Variants in TBC1D5 observed in about 807,000 individuals in gnomAD.
TBC1D5 encodes TBC1 domain family, member 5.
TBC1D5 carries 75 observed loss-of-function variants against 100.3 expected under a neutral mutation model. The observed-to-expected ratio is 0.75, with a 90% CI of 0.62 to 0.91. The LOEUF (loss-of-function observed/expected upper bound fraction) is 0.91, where lower values mean the gene tolerates loss of function less well. TBC1D5 is among the 40% of genes least tolerant of loss of function. The probability of loss-of-function intolerance (pLI) is 0.00; values close to 1 mark genes in which losing one functional copy is unlikely to be tolerated. For synonymous variants in TBC1D5, 323 were observed against 325.6 expected (o/e 0.99, Z 0.09); for missense variants, 910 against 942.4 (o/e 0.97, Z 0.45).
intron 1 of TBC1D5, chr3:17,702,292 A>C (rs2073326131): frequency 6.6e-6 from 1 of 152,154 alleles, no homozygotes; most frequent in African/African-American, 2.4e-5. Flanking sequence ...GTAAATTCAA[A>C]CTTACTTAGT....
At chr3:17,253,936 T>A (rs2077396874) in intron 16 of TBC1D5, among the ~76,000 whole-genome samples, 1 of 152,224 alleles carries the variant, frequency 6.6e-6, no homozygotes, top group Admixed American at 6.5e-5. Flanking sequence ...ACTTTTCATA[T>A]ATGCAGGTTC....
At chr3:17,161,332 T>C (rs1575664261) in intron 21 of TBC1D5, 76 bp from the exon 23 acceptor site, 1 of 1,489,318 alleles carries the variant, frequency 6.7e-7, no homozygotes, top group Non-Finnish European at 9.0e-7. Flanking sequence ...CCCTGTGAAC[T>C]GGGGGACTCG....
intron 2 of TBC1D5, among the ~76,000 whole-genome samples, chr3:17,602,650 G>A (rs762976570): frequency 6.1e-5 from 8 of 130,218 alleles, no homozygotes; most frequent in Non-Finnish European, 1.2e-4. Context: ...TCGGCTCACT[G>A]CAAGCTCCAC....
At chr3:17,173,217 T>C (rs963352228) in intron 19 of TBC1D5, among the ~76,000 whole-genome samples, 3 of 152,174 alleles carry the variant, frequency 2.0e-5, no homozygotes, top group African/African-American at 7.2e-5. Context: ...TTGAAGGTGG[T>C]GGAACTGGGA....
chr3:17,737,576 A>G (rs1160770159), intron 1 of TBC1D5, among the ~76,000 whole-genome samples: 3 of 152,200 alleles, frequency 2.0e-5, no homozygotes, highest in Non-Finnish European at 4.4e-5. Flanking sequence ...CTAACCTAAC[A>G]TACTGTGATT....
chr3:17,230,559 A>G (rs1039785216), intron 17 of TBC1D5, among the ~76,000 whole-genome samples: 3 of 152,102 alleles, frequency 2.0e-5, no homozygotes, highest in Admixed American at 2.0e-4. Flanking sequence ...TACCTTAAGA[A>G]TATCAACAGT....
chr3:17,179,469 C>G (rs2068196384), intron 19 of TBC1D5, among the ~76,000 whole-genome samples: 1 of 152,136 alleles, frequency 6.6e-6, no homozygotes. Context: ...ATGACAAGTA[C>G]AAAATCAGTT....
chr3:17,698,846 T>A (rs112683681), intron 1 of TBC1D5, among the ~76,000 whole-genome samples: 1 of 137,420 alleles, frequency 7.3e-6, no homozygotes, highest in East Asian at 2.5e-4. Context: ...ACATGAGATA[T>A]CATCTCACAC....
At chr3:17,712,112 C>T (rs772142383) in intron 1 of TBC1D5, among the ~76,000 whole-genome samples, 2 of 152,002 alleles carry the variant, frequency 1.3e-5, no homozygotes, top group Non-Finnish European at 2.9e-5. Flanking sequence ...ATTATATAAG[C>T]ACCTCATAGG....
chr3:17,439,149 G>C (rs1008557008), intron 3 of TBC1D5, among the ~76,000 whole-genome samples: 4 of 152,134 alleles, frequency 2.6e-5, no homozygotes, highest in Non-Finnish European at 4.4e-5. Flanking sequence ...ATCAGTGCTA[G>C]ATCCCTCAAG....
intron 3 of TBC1D5, among the ~76,000 whole-genome samples, chr3:17,470,130 T>C (rs1390746448): frequency 6.6e-6 from 1 of 152,214 alleles, no homozygotes; most frequent in Non-Finnish European, 1.5e-5. Context: ...AAAACATGTG[T>C]TCATTTTTGC....
rs539106047 is a variant in TBC1D5, at chr3:17,452,134, G to C, written c.98-23615C>G. ...ATAAGATAGTATTTATAAGCCCCAT[G>C]GTAAGCTCAAATTGAAAAACATACA... On this transcript the variant is annotated intron_variant, in intron 3 of 21. Transcript: ENST00000253692. Among the ~76,000 whole-genome samples, 4 of 151,646 alleles carry C rather than the reference G, an allele frequency of 2.6e-5. No homozygotes were observed. The East Asian group carries it at 7.7e-4, about 29-fold the overall frequency.
chr3:17,199,832 G>T (rs535981957), intron 18 of TBC1D5, among the ~76,000 whole-genome samples: 69 of 152,194 alleles, frequency 4.5e-4, no homozygotes, highest in Non-Finnish European at 8.1e-4. Context: ...ACAAGGTATG[G>T]TTGAATTTGG....
intron 1 of TBC1D5, among the ~76,000 whole-genome samples, chr3:17,630,401 A>G (rs1044266348): frequency 6.6e-6 from 1 of 152,178 alleles, no homozygotes; most frequent in African/African-American, 2.4e-5. Context: ...AATTCTCACA[A>G]TATTTCAAAT....
Position 17,425,532 on chromosome 3 carries a change from G to C in TBC1D5, c.167+2918C>G, listed in dbSNP as rs973737591. ...GTCCCAGCTACTCAGGAGGCTGAGA[G>C]GTGGGAGGATTGCTTGAGGCCAGGT... On this transcript the variant is annotated intron_variant, in intron 4 of 21. Transcript: ENST00000253692. Among the ~76,000 whole-genome samples, 3 of 152,272 alleles carry C rather than the reference G, an allele frequency of 2.0e-5. No individual in the cohort carries two copies. The East Asian group carries it at 5.8e-4, about 29-fold the overall frequency.
At chr3:17,570,373 G>A (rs947396288) in intron 2 of TBC1D5, among the ~76,000 whole-genome samples, 2 of 151,906 alleles carry the variant, frequency 1.3e-5, no homozygotes, top group African/African-American at 4.8e-5. Context: ...CTTCACAGAT[G>A]AGGAAACCAT....
intron 2 of TBC1D5, among the ~76,000 whole-genome samples, chr3:17,525,932 C>G (rs2096129051): frequency 2.0e-5 from 3 of 152,066 alleles, no homozygotes; most frequent in Admixed American, 1.3e-4. Flanking sequence ...GGAACAGATT[C>G]TACTAATCAC....
chr3:17,554,978 T>C (rs113451931), intron 2 of TBC1D5, among the ~76,000 whole-genome samples: 1 of 152,180 alleles, frequency 6.6e-6, no homozygotes, highest in Non-Finnish European at 1.5e-5. Flanking sequence ...GCCTCCCAAG[T>C]AGCTGGGATT....
Position 17,611,173 on chromosome 3 carries a change from C to A in TBC1D5, c.-36+12676G>T, listed in dbSNP as rs1003610710. 5.9e-5 allele frequency among the ~76,000 whole-genome samples: 9 copies of A among 152,096 alleles called. No homozygotes were observed. The South Asian group carries it at 1.5e-3, about 25-fold the overall frequency. ...TCATGCAGTGGGTTATATGATGATACTAAAAAAGGGAGGTGTCTGGGGAGG... is the reference window on the plus strand; with the variant it reads ...TCATGCAGTGGGTTATATGATGATAATAAAAAAGGGAGGTGTCTGGGGAGG... On this transcript the variant is annotated intron_variant, in intron 2 of 21. Transcript: ENST00000253692.
Sources: gnomAD v4.1 joint callset for allele counts (sites outside exome capture counted in the v4.1 genomes callset) on GRCh38, gnomAD v4.1.1 for gene constraint, MANE v1.5 for transcripts, NCBI Gene and HGNC (gene_info 2026-07-23, HGNC 2026-07-21) for gene names.